Variants in ANKRD29 observed in about 807,000 individuals in gnomAD.
ANKRD29 encodes the protein ankyrin repeat domain-containing protein 29.
A neutral mutation model predicts 38.0 loss-of-function variants in ANKRD29; 32 were observed. The ratio of observed to expected loss-of-function variants is 0.84; its 90% confidence interval spans 0.64 to 1.13. The LOEUF (loss-of-function observed/expected upper bound fraction) is 1.13. Among genes scored for constraint, ANKRD29 ranks in the 50% most tolerant of loss-of-function variants. The pLI, the probability that ANKRD29 is intolerant of heterozygous loss-of-function variation, is 0.00. For synonymous variants in ANKRD29, 135 were observed against 152.4 expected, an observed-to-expected ratio of 0.89 and a Z score of 0.84; for missense variants, 357 against 377.9, an observed-to-expected ratio of 0.94 and a Z score of 0.46.
chr18:23,641,078 A>G (rs1758115178), intron 3 of ANKRD29, among the ~76,000 whole-genome samples: 1 of 152,056 alleles, frequency 6.6e-6, no homozygotes, highest in South Asian at 2.1e-4. Context: ...TCTAGAAAAA[A>G]AAAAGCCCCT....
chr18:23,639,529 ATTT>A lies in ANKRD29; in HGVS notation c.232-585_232-583del, dbSNP rs11310206. 4.0e-3 allele frequency among the ~76,000 whole-genome samples: 484 copies of A among 120,322 alleles called. 3 individuals are homozygous for A. The highest frequency in any genetic ancestry group is 0.014 in the African/African-American group (457 of 33,808). 78.9% of individuals were successfully genotyped at this position (120,322 alleles called of 152,430 possible). A position where few individuals can be genotyped will look rare whatever the true frequency, so the allele number is the denominator to read the frequency against. ...AACAACTATGTATGATTTTACTGTG[ATTT>A]TTTTTTTTTTTTTTTTTGAGACAGA... is the stretch of plus-strand genomic sequence containing the variant. On this transcript the variant is annotated intron_variant, in intron 3 of 9. Coordinates refer to ENST00000592179, the MANE Select transcript of ANKRD29 (RefSeq NM_173505.4).
At chr18:23,623,720 G>A (rs1202869700) in intron 6 of ANKRD29, among the ~76,000 whole-genome samples, 1 of 151,744 alleles carries the variant, frequency 6.6e-6, no homozygotes, top group East Asian at 1.9e-4. Context: ...TTGGCTCACT[G>A]CAAGCTCCGC....
chr18:23,655,564 C>T (rs2060268372), intron 1 of ANKRD29, among the ~76,000 whole-genome samples: 4 of 151,942 alleles, frequency 2.6e-5, no homozygotes. Context: ...CCTGCCTTAG[C>T]CTCCTGAGTA....
At chr18:23,603,590 G>A (rs1187643549) in intron 9 of ANKRD29, among the ~76,000 whole-genome samples, 3 of 152,144 alleles carry the variant, frequency 2.0e-5, no homozygotes, top group African/African-American at 2.4e-5. Context: ...CTGAGATCAC[G>A]CCACTGCACT....
In ANKRD29 at chr18:23,619,513, C is replaced by A. The variant is rs1181246132; in HGVS notation, c.627+18G>T. ...GCCGGGAGGCTTCGCTCTTTGGCCG[C>A]GCGACTCGGGCACTCACGTTCCGCG... On this transcript the variant is annotated intron_variant, in intron 7 of 9. Coordinates refer to ENST00000592179, the MANE Select transcript of ANKRD29 (RefSeq NM_173505.4). 1.9e-6 allele frequency: 3 copies of A among 1,570,272 alleles called. No homozygotes were observed. In the East Asian group the frequency reaches 6.9e-5, roughly 36 times the overall value.
rs765133325 is a variant in ANKRD29, at chr18:23,608,409, C to A, written c.822+3683G>T. 4.6e-5 allele frequency among the ~76,000 whole-genome samples: 7 copies of A among 152,262 alleles called. No homozygotes were observed. In the East Asian group the frequency reaches 1.4e-3, roughly 29 times the overall value. The stretch of plus-strand genomic sequence containing the variant: ...GCAGTATGAAGGTCCAACAGGAGTG[C>A]CCACACATGTTTTCAAGTCATTTTT... On this transcript the variant is annotated intron_variant, in intron 9 of 9. Coordinates refer to ENST00000592179, the MANE Select transcript of ANKRD29 (RefSeq NM_173505.4).
intron 1 of ANKRD29, among the ~76,000 whole-genome samples, chr18:23,656,221 T>C (rs1256822495): frequency 6.6e-6 from 1 of 151,872 alleles, no homozygotes; most frequent in Non-Finnish European, 1.5e-5. Flanking sequence ...AAGTCACTGA[T>C]AACAGCTTGA....
intron 5 of ANKRD29, among the ~76,000 whole-genome samples, chr18:23,630,803 C>CT (rs556409382): frequency 2.9e-4 from 41 of 143,434 alleles, no homozygotes; most frequent in African/African-American, 4.8e-4. Context: ...TCTAAAAATT[C>CT]TTTTTTTTTT....
intron 9 of ANKRD29, among the ~76,000 whole-genome samples, chr18:23,602,456 C>G (rs2059526388): frequency 6.6e-6 from 1 of 152,196 alleles, no homozygotes; most frequent in Admixed American, 6.5e-5. Context: ...GAAGGCCTTT[C>G]TTTTCACATT....
rs144850681 is a variant in ANKRD29, at chr18:23,601,774, A to T, written c.823-465T>A. 1.2e-4 allele frequency among the ~76,000 whole-genome samples: 18 copies of T among 151,772 alleles called. No homozygotes were observed. The East Asian group carries it at 3.5e-3, about 30-fold the overall frequency. On this transcript the variant is annotated intron_variant, in intron 9 of 9. Coordinates refer to ENST00000592179, the MANE Select transcript of ANKRD29 (RefSeq NM_173505.4). ...AGCGTTGACCTCCCCAGCTCAAATG[A>T]TCCTCCCACCTCAGCCTCCCGAGTA...
intron 2 of ANKRD29, chr18:23,648,742 C>A: frequency 2.5e-6 from 1 of 405,174 alleles, no homozygotes; most frequent in Non-Finnish European, 4.3e-6. Flanking sequence ...CACTTGTGCT[C>A]TAAATTATCT....
chr18:23,611,672 G>A (rs990820935), intron 9 of ANKRD29, among the ~76,000 whole-genome samples: 2 of 151,954 alleles, frequency 1.3e-5, no homozygotes, highest in Non-Finnish European at 2.9e-5. Context: ...GTGACAGAGC[G>A]AGACTCCCTC....
At chr18:23,605,636 C>T (rs2145630703) in intron 9 of ANKRD29, among the ~76,000 whole-genome samples, 1 of 152,182 alleles carries the variant, frequency 6.6e-6, no homozygotes, top group African/African-American at 2.4e-5. Context: ...AAGCAATTCT[C>T]CTGCCTCAAC....
intron 4 of ANKRD29, among the ~76,000 whole-genome samples, chr18:23,636,218 C>T (rs2060001150): frequency 6.6e-6 from 1 of 152,136 alleles, no homozygotes; most frequent in Admixed American, 6.5e-5. Context: ...CTCACTGCAG[C>T]CTTGAACTTT....
At chr18:23,661,180 TATATGGTTCCACTGGGCA>T (rs2060355887) in intron 1 of ANKRD29, among the ~76,000 whole-genome samples, 2 of 152,306 alleles carry the variant, frequency 1.3e-5, no homozygotes, top group Non-Finnish European at 2.9e-5. Context: ...TTTCCACCTT[TATATGGTTCCACTGGGCA>T]ATCATGTTCA....
At chr18:23,651,157 G>T (rs148650513) in intron 1 of ANKRD29, among the ~76,000 whole-genome samples, 471 of 152,316 alleles carry the variant, frequency 3.1e-3, no homozygotes, top group Non-Finnish European at 5.4e-3. Context: ...ATACACAGGC[G>T]TACGCCCTTG....
chr18:23,619,648 GCGGCCGCCGTGACTGGGGCGCC>G lies in ANKRD29; in HGVS notation c.529-41_529-20del. The G allele has an allele frequency of 6.5e-7, 1 of 1,531,070 alleles. No homozygotes were observed. Among genetic ancestry groups the G allele is most frequent in the South Asian group, 1.2e-5 (1 of 81,602 alleles). The allele number at this position is 1,531,070 out of a possible 1,614,324, so 94.8% of individuals were successfully genotyped here. On this transcript the variant is annotated intron_variant, in intron 6 of 9. Transcript: ENST00000592179. ...TCCCGTCCTGCGGGAAGAGGAGGCG[GCGGCCGCCGTGACTGGGGCGCC>G]CGGCCCCACCCGCTCACAGAACGTC...
In ANKRD29 at chr18:23,612,100, T is replaced by C. The variant is rs1339818863; in HGVS notation, c.814A>G (p.Arg272Gly). Residue 272 changes from arginine to glycine, a missense_variant, in exon 9 of 10, where the codon AGA becomes GGA. By Grantham distance (125) the Arg-to-Gly change is moderately radical. Coordinates refer to ENST00000592179, the MANE Select transcript of ANKRD29 (RefSeq NM_173505.4). ...LLEAGADPSL[R>G]NKANELPAEL... is the part of the protein sequence containing the mutation. ...GATTGCTTAGTGGGTACCTTGTTTC[T>C]CAGGGATGGGTCTGCCCCTGCTTCT... The C allele has an allele frequency of 1.9e-6, 3 of 1,613,478 alleles. No individual in the cohort carries two copies. The highest frequency in any genetic ancestry group is 2.5e-6 in the Non-Finnish European group (3 of 1,179,960).
At chr18:23,612,538 C>T (rs984400919) in intron 8 of ANKRD29, among the ~76,000 whole-genome samples, 3 of 152,194 alleles carry the variant, frequency 2.0e-5, no homozygotes, top group South Asian at 2.1e-4. Flanking sequence ...AAGGACAACA[C>T]GTAAGGACAA....
Sources: allele counts gnomAD v4.1 joint callset (sites outside exome capture counted in the v4.1 genomes callset), GRCh38; gene constraint gnomAD v4.1.1; transcripts MANE v1.5; gene names NCBI Gene and HGNC (gene_info 2026-07-23, HGNC 2026-07-21).